Variants in CCDC102B observed in about 807,000 individuals in gnomAD.
CCDC102B encodes the protein coiled-coil domain-containing protein 102B.
Under a neutral mutation model 57.4 loss-of-function variants are expected in CCDC102B, and 75 were observed. The ratio of observed to expected loss-of-function variants is 1.31; its 90% CI spans 1.08 to 1.58. The LOEUF is 1.58. CCDC102B is among the 40% of genes most tolerant of loss of function. The pLI, the probability that CCDC102B is intolerant of heterozygous loss-of-function variation, is 0.00. For synonymous variants in CCDC102B, 206 were observed against 201.9 expected, an observed-to-expected ratio of 1.02 and a Z score of -0.17; for missense variants, 636 against 582.6, an observed-to-expected ratio of 1.09 and a Z score of -0.94.
intron 7 of CCDC102B, among the ~76,000 whole-genome samples, chr18:69,023,532 G>T (rs907720724): frequency 2.0e-5 from 3 of 151,404 alleles, no homozygotes; most frequent in Non-Finnish European, 4.4e-5. Flanking sequence ...TATAAATGCT[G>T]AGTGCTACTG....
At chr18:68,775,083 CAT>C (rs1388513690) in intron 2 of CCDC102B, among the ~76,000 whole-genome samples, 1 of 150,828 alleles carries the variant, frequency 6.6e-6, no homozygotes, top group Non-Finnish European at 1.5e-5. Context: ...TTTATAGTCA[CAT>C]ATAGAAATAT....
chr18:68,748,205 G>GGTGTGTGTGT (rs5825872), intron 2 of CCDC102B, among the ~76,000 whole-genome samples: 53 of 137,582 alleles, frequency 3.9e-4, no homozygotes, highest in East Asian at 9.7e-4. Context: ...TTATTAAACT[G>GGTGTGTGTGT]GTGTGTGTGT....
chr18:68,732,324 T>C (rs541268666), intron 2 of CCDC102B, among the ~76,000 whole-genome samples: 1 of 152,034 alleles, frequency 6.6e-6, no homozygotes, highest in Admixed American at 6.5e-5. Context: ...GTATCTGGCA[T>C]TTCTTGAAGG....
At position 68,777,245 on chromosome 18, in the gene CCDC102B, G is replaced by C. The variant is rs537619525; in HGVS notation, c.-66-46121G>C. On this transcript the variant is annotated intron_variant, in intron 2 of 3. Transcript: ENST00000578970. ...ATCAAGACGTACACATGTCTTTGCT[G>C]TATCTTTCTTCTCAGTAGGTGAATT... 9.9e-5 allele frequency among the ~76,000 whole-genome samples: 15 copies of C among 152,250 alleles called. 1 individual carries two copies. The South Asian group carries it at 3.1e-3, about 32-fold the overall frequency.
chr18:68,846,159 A>G (rs2037846093), intron 3 of CCDC102B, among the ~76,000 whole-genome samples, 154 bp from the exon 4 acceptor site: 1 of 151,946 alleles, frequency 6.6e-6, no homozygotes, highest in Admixed American at 6.6e-5. Flanking sequence ...TTCAATATTT[A>G]TAATTTTTAA....
At chr18:68,883,548 C>T (rs1399972001) in intron 5 of CCDC102B, among the ~76,000 whole-genome samples, 1 of 152,174 alleles carries the variant, frequency 6.6e-6, no homozygotes, top group Non-Finnish European at 1.5e-5. Flanking sequence ...CTTCTTCTCA[C>T]ATAGCCAGCC....
intron 2 of CCDC102B, among the ~76,000 whole-genome samples, chr18:68,837,874 C>G (rs975222560): frequency 6.6e-6 from 1 of 152,114 alleles, no homozygotes; most frequent in Non-Finnish European, 1.5e-5. Context: ...TATTTTATTG[C>G]TTGTCAAAAT....
At chr18:68,961,210 AT>A (rs1409373772) in intron 6 of CCDC102B, among the ~76,000 whole-genome samples, 1 of 152,094 alleles carries the variant, frequency 6.6e-6, no homozygotes, top group Non-Finnish European at 1.5e-5. Context: ...GTTTAAATAA[AT>A]TGGCACATAG....
At chr18:68,766,036 A>C (rs935555450) in intron 2 of CCDC102B, among the ~76,000 whole-genome samples, 20 of 152,190 alleles carry the variant, frequency 1.3e-4, no homozygotes, top group African/African-American at 4.8e-4. Flanking sequence ...ATATTAATTC[A>C]TAGGAGATAA....
At chr18:69,005,541 A>C (rs1599835772) in intron 6 of CCDC102B, among the ~76,000 whole-genome samples, 1 of 151,992 alleles carries the variant, frequency 6.6e-6, no homozygotes, top group Non-Finnish European at 1.5e-5. Context: ...AACTGATTTG[A>C]TTTATATTTA....
intron 1 of CCDC102B, among the ~76,000 whole-genome samples, chr18:68,800,379 C>G (rs1336698507): frequency 6.6e-6 from 1 of 152,126 alleles, no homozygotes; most frequent in African/African-American, 2.4e-5. Flanking sequence ...TTCCGATATT[C>G]TATAAATCCA....
chr18:68,749,118 C>T (rs1423027891), intron 2 of CCDC102B, among the ~76,000 whole-genome samples: 1 of 152,108 alleles, frequency 6.6e-6, no homozygotes, highest in Non-Finnish European at 1.5e-5. Flanking sequence ...GGGCTCTGTT[C>T]TGTTCCATTG....
intron 1 of CCDC102B, among the ~76,000 whole-genome samples, chr18:68,829,752 A>G (rs1198200197): frequency 3.3e-5 from 5 of 152,064 alleles, no homozygotes; most frequent in Admixed American, 3.3e-4. Context: ...ACAAGTGTGA[A>G]TATGGTAAAC....
intron 2 of CCDC102B, among the ~76,000 whole-genome samples, chr18:68,771,886 A>ACG (rs1235278463): frequency 6.6e-5 from 10 of 151,600 alleles, no homozygotes; most frequent in Admixed American, 4.6e-4. Flanking sequence ...ACACACACAC[A>ACG]CACACACACA....
At chr18:68,866,240 A>G (rs2038972142) in intron 4 of CCDC102B, among the ~76,000 whole-genome samples, 1 of 152,216 alleles carries the variant, frequency 6.6e-6, no homozygotes, top group African/African-American at 2.4e-5. Context: ...GGGTTATAGT[A>G]ATAATAGATA....
At chr18:68,810,674 T>TG (rs1309747496) in intron 1 of CCDC102B, among the ~76,000 whole-genome samples, 2 of 115,904 alleles carry the variant, frequency 1.7e-5, no homozygotes, top group South Asian at 6.1e-4. Flanking sequence ...TTCTTTTCTT[T>TG]TCTTTGTTTT....
In CCDC102B at chr18:69,053,370, CAT is replaced by C. The variant is rs564290638; in HGVS notation, c.1435-658_1435-657del. ...GCATATGTATATGTGAATATGTATA[CAT>C]ACACGTGTATTTTGTTCAAAGCCAT... On this transcript the variant is annotated intron_variant, in intron 7 of 7. Coordinates refer to ENST00000360242, the MANE Select transcript of CCDC102B (RefSeq NM_024781.3). Among the ~76,000 whole-genome samples the C allele has an allele frequency of 2.6e-3, 395 of 151,104 alleles. 2 individuals carry two copies. Among genetic ancestry groups the C allele is most frequent in the African/African-American group, 8.4e-3 (346 of 41,242 alleles).
intron 2 of CCDC102B, among the ~76,000 whole-genome samples, chr18:68,745,868 T>C (rs2033599346): frequency 6.6e-6 from 1 of 152,140 alleles, no homozygotes; most frequent in Non-Finnish European, 1.5e-5. Flanking sequence ...TTCATTAACA[T>C]AATGTCCTGC....
chr18:69,008,706 C>A (rs2051419244), intron 6 of CCDC102B, among the ~76,000 whole-genome samples: 1 of 152,138 alleles, frequency 6.6e-6, no homozygotes, highest in African/African-American at 2.4e-5. Context: ...TGCATCCACA[C>A]CCTCACCCCA....
Sources: allele counts gnomAD v4.1 joint callset (sites outside exome capture counted in the v4.1 genomes callset), GRCh38; gene constraint gnomAD v4.1.1; transcripts MANE v1.5; gene names NCBI Gene and HGNC (gene_info 2026-07-23, HGNC 2026-07-21).